ASTN1: variants seen among roughly 807,000 people sequenced by gnomAD.
ASTN1 encodes astrotactin 1.
ASTN1 carries 41 observed loss-of-function variants against 140.7 expected under a neutral mutation model. The ratio of observed to expected loss-of-function variants is 0.29; its 90% CI spans 0.23 to 0.38. The LOEUF (loss-of-function observed/expected upper bound fraction) is 0.38. Ranked by LOEUF, ASTN1 falls within the 10% of genes least tolerant of loss-of-function variation. The pLI is 1.00. For synonymous variants in ASTN1, 640 were observed against 652.2 expected, an observed-to-expected ratio of 0.98 and a Z score of 0.29; for missense variants, 1,479 against 1,678.8, an observed-to-expected ratio of 0.88 and a Z score of 2.08.
intron 16 of ASTN1, among the ~76,000 whole-genome samples, chr1:176,922,922 G>A (rs754851700): frequency 8.5e-5 from 13 of 152,202 alleles, no homozygotes; most frequent in Admixed American, 2.6e-4. Flanking sequence ...ATAATAATAT[G>A]AGTCCCAATG....
chr1:177,104,960 CT>C (rs759140828), intron 1 of ASTN1, among the ~76,000 whole-genome samples: 1 of 152,306 alleles, frequency 6.6e-6, no homozygotes, highest in African/African-American at 2.4e-5. Context: ...ATGAGTTCCT[CT>C]TTTCACAGAC....
At position 176,959,453 on chromosome 1, in the gene ASTN1, C is replaced by CCCTCT. The variant is rs554339879; in HGVS notation, c.1599-976_1599-972dup. 2.6e-5 allele frequency among the ~76,000 whole-genome samples: 4 copies of CCCTCT among 152,206 alleles called. No individual in the cohort carries two copies. In the East Asian group the frequency reaches 7.7e-4, roughly 29 times the overall value. The stretch of plus-strand genomic sequence containing the variant: ...TGCTCCTTTCTCTTCCCATACACAA[C>CCCTCT]CCTCTCCCCTCCCCAGGTTGCCTGA... On this transcript the variant is annotated intron_variant, in intron 9 of 22. Coordinates refer to ENST00000361833, the MANE Select transcript of ASTN1 (RefSeq NM_004319.3).
chr1:177,108,314 A>G (rs1008493295), intron 1 of ASTN1, among the ~76,000 whole-genome samples: 3 of 143,360 alleles, frequency 2.1e-5, no homozygotes, highest in African/African-American at 7.7e-5. Flanking sequence ...GCACCACTAC[A>G]CTCTAGCCTG....
chr1:177,164,106 G>T (rs1399975243), intron 1 of ASTN1, among the ~76,000 whole-genome samples: 1 of 152,150 alleles, frequency 6.6e-6, no homozygotes, highest in Non-Finnish European at 1.5e-5. Flanking sequence ...TCAAAGCTGG[G>T]AGGTCAAGGC....
intron 7 of ASTN1, among the ~76,000 whole-genome samples, chr1:177,017,180 C>G (rs1394615282): frequency 6.6e-6 from 1 of 152,200 alleles, no homozygotes; most frequent in Non-Finnish European, 1.5e-5. Flanking sequence ...TAGTCATTAT[C>G]TCCTTATGAG....
At chr1:177,122,054 C>T (rs1250330323) in intron 1 of ASTN1, among the ~76,000 whole-genome samples, 1 of 152,160 alleles carries the variant, frequency 6.6e-6, no homozygotes, top group Non-Finnish European at 1.5e-5. Flanking sequence ...GCTGCCACTA[C>T]CCTGGAGCAC....
At chr1:176,986,587 TAGC>T (rs1370518363) in intron 8 of ASTN1, among the ~76,000 whole-genome samples, 1 of 152,154 alleles carries the variant, frequency 6.6e-6, no homozygotes, top group Non-Finnish European at 1.5e-5. Flanking sequence ...CACCAAGACA[TAGC>T]AGTTCCTTTT....
At chr1:177,102,764 G>A (rs1680362436) in intron 1 of ASTN1, among the ~76,000 whole-genome samples, 1 of 152,116 alleles carries the variant, frequency 6.6e-6, no homozygotes, top group African/African-American at 2.4e-5. Flanking sequence ...CAAAAGGTTA[G>A]GTATCCACCT....
chr1:177,023,964 G>A (rs185325928), intron 6 of ASTN1, among the ~76,000 whole-genome samples: 20 of 152,300 alleles, frequency 1.3e-4, no homozygotes, highest in African/African-American at 4.8e-4. Flanking sequence ...TATGAGAATT[G>A]CAGGCCCTCT....
In ASTN1 at chr1:176,894,645, C is replaced by T. The variant is rs772917609; in HGVS notation, c.2857G>A (p.Asp953Asn). 2 of 1,613,984 alleles carry T rather than the reference C, an allele frequency of 1.2e-6. No individual in the cohort carries two copies. Reference protein sequence around the residue: ...CPLCHVTSSPDTPAEPVLLEV... With the variant: ...CPLCHVTSSPNTPAEPVLLEV... ...AGCAGAACCGGCTCAGCAGGGGTGT[C>T]AGGGCTGGATGTCACATGACACAGG... is the stretch of plus-strand genomic sequence containing the variant. Residue 953 changes from aspartate to asparagine, a missense_variant, in exon 17 of 23, where the codon GAC (aspartate) becomes AAC (asparagine). Asp to Asn is a conservative substitution (Grantham distance 23). This residue lies in a region of ASTN1 where 746 missense variants were observed against 800.9 expected (regional missense o/e 0.93). Transcript: ENST00000361833.
chr1:177,014,219 G>A (rs962487881), intron 8 of ASTN1, among the ~76,000 whole-genome samples: 3 of 152,094 alleles, frequency 2.0e-5, no homozygotes, highest in African/African-American at 7.2e-5. Flanking sequence ...AACAAAAAAG[G>A]AATACATGAG....
At chr1:176,950,900 C>A (rs1349494871) in intron 11 of ASTN1, among the ~76,000 whole-genome samples, 4 of 152,142 alleles carry the variant, frequency 2.6e-5, no homozygotes, top group Non-Finnish European at 5.9e-5. Flanking sequence ...CTCCCTACTG[C>A]CTGGTTTGCA....
intron 8 of ASTN1, among the ~76,000 whole-genome samples, chr1:176,970,871 ATAT>A (rs1204466564): frequency 1.3e-5 from 2 of 152,030 alleles, no homozygotes; most frequent in African/African-American, 4.8e-5. Context: ...CCGGACTTAC[ATAT>A]TATTCTACCT....
At chr1:177,158,422 C>T (rs1009903899) in intron 1 of ASTN1, among the ~76,000 whole-genome samples, 8 of 152,132 alleles carry the variant, frequency 5.3e-5, no homozygotes, top group Admixed American at 5.2e-4. Context: ...TTGTATAGTA[C>T]ATTCGAAATT....
intron 20 of ASTN1, among the ~76,000 whole-genome samples, chr1:176,880,202 G>A (rs1318054915): frequency 6.6e-6 from 1 of 152,190 alleles, no homozygotes; most frequent in African/African-American, 2.4e-5. Flanking sequence ...GGAGGCCTGT[G>A]TGAGTGCGCA....
intron 4 of ASTN1, 85 bp from the exon 5 acceptor site, chr1:177,029,826 T>A: frequency 7.7e-7 from 1 of 1,292,874 alleles, no homozygotes; most frequent in Admixed American, 2.3e-5. Flanking sequence ...AATGGGAAAA[T>A]CAACAAAAAT....
chr1:177,014,655 G>A (rs1324492058), intron 8 of ASTN1, 136 bp downstream of exon 8: 10 of 709,718 alleles, frequency 1.4e-5, no homozygotes, highest in Middle Eastern at 3.4e-4. Flanking sequence ...AAGGCATAGT[G>A]ACATTTTTAC....
intron 8 of ASTN1, among the ~76,000 whole-genome samples, chr1:177,006,086 C>T (rs1427046310): frequency 6.6e-6 from 1 of 152,160 alleles, no homozygotes; most frequent in African/African-American, 2.4e-5. Context: ...CACCTGAATG[C>T]TAGGCCCTGG....
chr1:176,951,163 A>G (rs1212745220), intron 11 of ASTN1, among the ~76,000 whole-genome samples: 1 of 152,216 alleles, frequency 6.6e-6, no homozygotes, highest in African/African-American at 2.4e-5. Context: ...GACAGCATTT[A>G]AAGAAGTTTC....
Sources: allele counts gnomAD v4.1 joint callset (sites outside exome capture counted in the v4.1 genomes callset), GRCh38; gene constraint gnomAD v4.1.1; regional missense constraint gnomAD v4.1.1; transcripts MANE v1.5; gene names NCBI Gene and HGNC (gene_info 2026-07-23, HGNC 2026-07-21).